The following GAB1 variants were observed in gnomAD, a reference collection of about 807,000 sequenced individuals.
GAB1 encodes GRB2-associated-binding protein 1.
In GAB1, 19 loss-of-function variants were observed where a neutral mutation model predicts 66.5. The ratio of observed to expected loss-of-function variants is 0.29; its 90% CI spans 0.20 to 0.42. The LOEUF (loss-of-function observed/expected upper bound fraction) is 0.42. Ranked by LOEUF, GAB1 falls within the 10% of genes least tolerant of loss-of-function variation. The probability of loss-of-function intolerance (pLI) is 1.00; values close to 1 mark genes in which losing one functional copy is unlikely to be tolerated. For synonymous variants in GAB1, 294 were observed against 301.4 expected, an observed-to-expected ratio of 0.98 and a Z score of 0.25; for missense variants, 732 against 858.5, an observed-to-expected ratio of 0.85 and a Z score of 1.84.
intron 1 of GAB1, among the ~76,000 whole-genome samples, chr4:143,364,189 C>CA (rs779207437): frequency 0.059 from 4,760 of 81,344 alleles, 254 homozygotes; most frequent in African/African-American, 0.18. Context: ...ACTTCGTCTC[C>CA]AAAAAAAAAA....
At chr4:143,364,667 A>G (rs1477887087) in intron 1 of GAB1, among the ~76,000 whole-genome samples, 1 of 151,978 alleles carries the variant, frequency 6.6e-6, no homozygotes, top group Admixed American at 6.6e-5. Context: ...TCACAAGAGC[A>G]TGTTTCTCCT....
intron 1 of GAB1, among the ~76,000 whole-genome samples, chr4:143,373,267 TC>T (rs1730223571): frequency 6.6e-6 from 1 of 152,252 alleles, no homozygotes; most frequent in African/African-American, 2.4e-5. Flanking sequence ...CTTGGTGTTG[TC>T]TACATAATTA....
intron 1 of GAB1, among the ~76,000 whole-genome samples, chr4:143,408,178 A>T (rs1322940030): frequency 6.6e-6 from 1 of 152,218 alleles, no homozygotes; most frequent in African/African-American, 2.4e-5. Flanking sequence ...AAGAAAGGTT[A>T]AATATCCATT....
At chr4:143,387,868 C>A (rs1206196312) in intron 1 of GAB1, among the ~76,000 whole-genome samples, 13 of 152,294 alleles carry the variant, frequency 8.5e-5, no homozygotes, top group African/African-American at 3.1e-4. Flanking sequence ...CAGTCTTACA[C>A]ACACCCTAGA....
intron 1 of GAB1, among the ~76,000 whole-genome samples, chr4:143,390,448 A>T (rs946548068): frequency 5.3e-5 from 8 of 151,096 alleles, no homozygotes; most frequent in African/African-American, 1.5e-4. Flanking sequence ...ACACTAGTGT[A>T]GTGGTTAGGT....
intron 6 of GAB1, among the ~76,000 whole-genome samples, chr4:143,444,194 A>G (rs1215735753): frequency 6.6e-6 from 1 of 152,188 alleles, no homozygotes; most frequent in Non-Finnish European, 1.5e-5. Context: ...CATGACATAA[A>G]TCTAGTATAT....
At chr4:143,349,842 C>G in intron 1 of GAB1, 2 of 1,584,152 alleles carry the variant, frequency 1.3e-6, no homozygotes, top group South Asian at 2.2e-5. Context: ...TCTTCAAAAC[C>G]TCATCCTTGA....
At chr4:143,419,375 G>A (rs1018381867) in intron 2 of GAB1, among the ~76,000 whole-genome samples, 1 of 152,118 alleles carries the variant, frequency 6.6e-6, no homozygotes. Context: ...AGAAGAACTA[G>A]ATAAGCATAG....
intron 1 of GAB1, chr4:143,349,411 C>T: frequency 9.4e-7 from 1 of 1,068,436 alleles, no homozygotes; most frequent in African/African-American, 1.5e-5. Context: ...GGTCAGATAG[C>T]TGTAGGTCTT....
Position 143,438,225 on chromosome 4 carries a change from T to G in GAB1, c.820T>G (p.Ser274Ala), listed in dbSNP as rs1461291065. Residue 274 changes from serine (S) to alanine (A), a missense_variant, in exon 4 of 10, where the codon TCT (serine) becomes GCT (alanine). By Grantham distance (99) the Ser-to-Ala change is moderately conservative. This residue lies in a region of GAB1 where 427 missense variants were observed against 420.6 expected (regional missense o/e 1.02). Coordinates refer to ENST00000262994, the MANE Select transcript of GAB1 (RefSeq NM_002039.4). Reference sequence around the variant, plus strand: ...TTCCCATGATGTTTTACCAAAGGTGTCTCCATCAAGTACTGAAGCAGATGG... The same window carrying G: ...TTCCCATGATGTTTTACCAAAGGTGGCTCCATCAAGTACTGAAGCAGATGG... ...SYSHDVLPKV[S>A]PSSTEADGEL... is the part of the protein sequence containing the mutation. 9 of 1,613,972 alleles carry G rather than the reference T, an allele frequency of 5.6e-6. No individual in the cohort carries two copies. Among genetic ancestry groups the G allele is most frequent in the Non-Finnish European group, 7.6e-6 (9 of 1,180,018 alleles).
intron 6 of GAB1, chr4:143,457,595 C>CT (rs144852070): frequency 0.028 from 8,109 of 294,316 alleles, 97 homozygotes; most frequent in Admixed American, 0.076. Flanking sequence ...GGCTCTGTTG[C>CT]TTTTTTTTTT....
intron 2 of GAB1, among the ~76,000 whole-genome samples, chr4:143,431,631 A>G (rs761837500): frequency 6.6e-6 from 1 of 152,202 alleles, no homozygotes; most frequent in Non-Finnish European, 1.5e-5. Context: ...AACAAATAGC[A>G]AAAGTCACAT....
At chr4:143,454,298 GATTGA>G (rs1234308506) in intron 6 of GAB1, among the ~76,000 whole-genome samples, 1 of 152,166 alleles carries the variant, frequency 6.6e-6, no homozygotes, top group East Asian at 1.9e-4. Context: ...GAAGTAGCTG[GATTGA>G]ATTGAAGTAG....
chr4:143,460,902 G>T (rs909367819), intron 8 of GAB1, among the ~76,000 whole-genome samples: 18 of 151,924 alleles, frequency 1.2e-4, no homozygotes, highest in African/African-American at 4.1e-4. Flanking sequence ...AAAATATACG[G>T]GCAGCATTTT....
intron 1 of GAB1, among the ~76,000 whole-genome samples, chr4:143,393,707 A>G (rs1362686196): frequency 6.6e-6 from 1 of 152,146 alleles, no homozygotes; most frequent in Non-Finnish European, 1.5e-5. Context: ...CTGCATCAAG[A>G]GTGGAGGGTC....
At chr4:143,399,498 C>G (rs1266844781) in intron 1 of GAB1, among the ~76,000 whole-genome samples, 2 of 152,036 alleles carry the variant, frequency 1.3e-5, no homozygotes, top group African/African-American at 4.8e-5. Flanking sequence ...GTTTGTTTTC[C>G]CACGTGTTGG....
intron 4 of GAB1, 66 bp from the exon 5 acceptor site, chr4:143,439,736 C>T: frequency 9.4e-7 from 1 of 1,060,796 alleles, no homozygotes; most frequent in Non-Finnish European, 1.5e-6. Context: ...GATAATAGGT[C>T]ATCCCAATGA....
At chr4:143,435,665 C>G (rs1034734370) in intron 3 of GAB1, among the ~76,000 whole-genome samples, 11 of 152,144 alleles carry the variant, frequency 7.2e-5, no homozygotes, top group Non-Finnish European at 1.6e-4. Flanking sequence ...ATGCTAGGTG[C>G]TATGAAGGTA....
At chr4:143,407,287 A>G (rs1377240952) in intron 1 of GAB1, among the ~76,000 whole-genome samples, 1 of 146,382 alleles carries the variant, frequency 6.8e-6, no homozygotes, top group Non-Finnish European at 1.5e-5. Context: ...CTTTTTGTTT[A>G]TTTTATGTAG....
Sources: allele counts gnomAD v4.1 joint callset (sites outside exome capture counted in the v4.1 genomes callset), GRCh38; gene constraint gnomAD v4.1.1; regional missense constraint gnomAD v4.1.1; transcripts MANE v1.5; gene names NCBI Gene and HGNC (gene_info 2026-07-23, HGNC 2026-07-21).